The following ATG4C variants were observed in gnomAD, a reference collection of about 807,000 sequenced individuals.
ATG4C encodes the protein autophagy related 4C cysteine peptidase.
Under a neutral mutation model 57.6 loss-of-function variants are expected in ATG4C, and 56 were observed. The ratio of observed to expected loss-of-function variants is 0.97; its 90% CI spans 0.78 to 1.21. The LOEUF (loss-of-function observed/expected upper bound fraction) is 1.21. Ranked by LOEUF, ATG4C falls within the 50% of genes most tolerant of loss-of-function variation. The probability of loss-of-function intolerance (pLI) is 0.00; values close to 1 mark genes in which losing one functional copy is unlikely to be tolerated. For missense variants in ATG4C, 595 were observed against 529.8 expected (o/e 1.12, Z -1.21); for synonymous variants, 157 against 174.1 (o/e 0.90, Z 0.78).
chr1:62,826,636 G>A (rs769436029), intron 6 of ATG4C, among the ~76,000 whole-genome samples: 3 of 148,550 alleles, frequency 2.0e-5, no homozygotes, highest in Non-Finnish European at 3.0e-5. Flanking sequence ...GTACATGTAC[G>A]CAACGTGCAG....
chr1:62,785,372 G>A (rs1664050147), intron 1 of ATG4C: 1 of 152,094 alleles, frequency 6.6e-6, no homozygotes, highest in African/African-American at 2.4e-5. Context: ...CAGTTCATTC[G>A]CTATAAAATT....
chr1:62,792,748 C>T (rs1318387198), intron 1 of ATG4C, among the ~76,000 whole-genome samples: 1 of 152,100 alleles, frequency 6.6e-6, no homozygotes, highest in Non-Finnish European at 1.5e-5. Context: ...AGTAAGTGTT[C>T]AGTCAGAGGC....
intron 2 of ATG4C, among the ~76,000 whole-genome samples, chr1:62,804,253 AT>A (rs368194904): frequency 1.9e-4 from 29 of 148,814 alleles, no homozygotes; most frequent in African/African-American, 5.9e-4. Context: ...CACCTGGCTA[AT>A]TTTTTTTTTG....
At chr1:62,825,736 C>T (rs1228108854) in intron 6 of ATG4C, among the ~76,000 whole-genome samples, 2 of 152,070 alleles carry the variant, frequency 1.3e-5, no homozygotes, top group African/African-American at 2.4e-5. Flanking sequence ...ACTGAATTCC[C>T]AATTCTCCCT....
rs1451868285 is a variant in ATG4C at position 62,816,583 on chromosome 1, A to T, written c.169A>T (p.Lys57Ter). The change falls in exon 4 of 11, where the codon AAA becomes TAA. Residue 57 changes from lysine to a stop codon, truncating the protein, a stop_gained. Coordinates refer to ENST00000317868, the MANE Select transcript of ATG4C (RefSeq NM_032852.4). LOFTEE classifies it high-confidence loss of function. ...GTATGTTTATTTTTTAGATGAAGATAAAACGTTACCTGCAGAGTCGGGATG... is the reference window on the plus strand; with the variant it reads ...GTATGTTTATTTTTTAGATGAAGATTAAACGTTACCTGCAGAGTCGGGATG... ...CYHFKYEDED[K>*]TLPAESGCTI... is the part of the protein sequence containing the mutation. The T allele has an allele frequency of 3.1e-6, 5 of 1,605,154 alleles. No homozygotes were observed. Among genetic ancestry groups the T allele is most frequent in the Non-Finnish European group, 3.4e-6 (4 of 1,175,812 alleles).
chr1:62,825,042 C>A (rs1310647957), intron 6 of ATG4C, among the ~76,000 whole-genome samples: 1 of 151,986 alleles, frequency 6.6e-6, no homozygotes, highest in Non-Finnish European at 1.5e-5. Flanking sequence ...TCGAGACCAG[C>A]CTGGCCAATA....
At chr1:62,841,650 C>A in intron 10 of ATG4C, 103 bp downstream of exon 10, 1 of 989,308 alleles carries the variant, frequency 1.0e-6, no homozygotes, top group Non-Finnish European at 1.4e-6. Flanking sequence ...ATAAAATTTC[C>A]TCTTGAATGT....
intron 1 of ATG4C, among the ~76,000 whole-genome samples, chr1:62,789,656 T>TA (rs375123052): frequency 0.021 from 3,187 of 148,612 alleles, 118 homozygotes; most frequent in African/African-American, 0.074. Context: ...TACTAAAAAA[T>TA]AAAAAAACAA....
chr1:62,864,386 T>C lies in ATG4C; in HGVS notation c.*227T>C, dbSNP rs1212714732. The C allele has an allele frequency of 2.7e-6, 1 of 372,092 alleles. No individual in the cohort carries two copies. Among genetic ancestry groups the C allele is most frequent in the African/African-American group, 2.2e-5 (1 of 46,048 alleles). 23.0% of individuals were successfully genotyped at this position (372,092 alleles called of 1,614,324 possible). ...TTGAGTGATTCTGGTTGCATTCCTA[T>C]TTCCCTAAGATCTACTAGTGATAAT... is the stretch of plus-strand genomic sequence containing the variant. On this transcript the variant is annotated 3_prime_UTR_variant, in exon 11 of 11. Transcript: ENST00000317868.
In ATG4C at chr1:62,819,144, G is replaced by A. The variant is rs1332773561; in HGVS notation, c.534G>A (p.Leu178=). Residue 178 remains leucine, a synonymous_variant, in exon 5 of 11, where the codon CTG becomes CTA. Coordinates refer to ENST00000317868, the MANE Select transcript of ATG4C (RefSeq NM_032852.4). ...EREFKTPTIS[L]KETIGKYSDD... ...AATTCAAAACCCCAACAATTTCTCTGAAGGAAACAATTGGGAAATATTCTG... is the reference window on the plus strand; with the variant it reads ...AATTCAAAACCCCAACAATTTCTCTAAAGGAAACAATTGGGAAATATTCTG... 1.3e-5 allele frequency: 21 copies of A among 1,613,132 alleles called. No individual in the cohort carries two copies. The highest frequency in any genetic ancestry group is 3.3e-5 in the Admixed American group (2 of 59,916).
chr1:62,794,944 A>G (rs1409734712), intron 1 of ATG4C, among the ~76,000 whole-genome samples: 1 of 152,254 alleles, frequency 6.6e-6, no homozygotes, highest in African/African-American at 2.4e-5. Flanking sequence ...GCAAGCAGGT[A>G]GAAAAGGTTA....
intron 9 of ATG4C, among the ~76,000 whole-genome samples, chr1:62,835,221 G>A (rs939620773): frequency 2.0e-5 from 3 of 151,464 alleles, no homozygotes; most frequent in East Asian, 1.9e-4. Context: ...AGGGATAGAC[G>A]GGTTAGAGTA....
rs544881361 is a variant in ATG4C at position 62,858,347 on chromosome 1, T to C, written c.1210-5645T>C. On this transcript the variant is annotated intron_variant, in intron 10 of 10. Transcript: ENST00000317868. ...GGTAGTGGTTACACCAGAACAAAAC[T>C]ACCTATGCTTAGATCCTGACTGTGT... 3.3e-5 allele frequency among the ~76,000 whole-genome samples: 5 copies of C among 152,316 alleles called. No homozygotes were observed. The South Asian group carries it at 8.3e-4, about 25-fold the overall frequency.
At chr1:62,807,019 A>T (rs2100300186) in intron 3 of ATG4C, among the ~76,000 whole-genome samples, 1 of 152,322 alleles carries the variant, frequency 6.6e-6, no homozygotes, top group Non-Finnish European at 1.5e-5. Context: ...AATTACAATG[A>T]TTATTTTTGA....
intron 10 of ATG4C, among the ~76,000 whole-genome samples, chr1:62,846,435 A>G (rs1666327261): frequency 6.6e-6 from 1 of 152,216 alleles, no homozygotes; most frequent in Non-Finnish European, 1.5e-5. Flanking sequence ...TCATGCAGTC[A>G]TATAGCTTTA....
At chr1:62,827,821 T>C (rs1320567748) in intron 6 of ATG4C, among the ~76,000 whole-genome samples, 1 of 152,018 alleles carries the variant, frequency 6.6e-6, no homozygotes, top group African/African-American at 2.4e-5. Context: ...CCCTCCATCC[T>C]CAAGTAGACC....
intron 10 of ATG4C, among the ~76,000 whole-genome samples, chr1:62,852,184 A>G (rs1377165489): frequency 1.3e-5 from 2 of 152,204 alleles, no homozygotes; most frequent in African/African-American, 4.8e-5. Flanking sequence ...AGCTACCCGG[A>G]GTAAGGTATA....
intron 10 of ATG4C, among the ~76,000 whole-genome samples, chr1:62,842,829 C>T (rs1666212604): frequency 6.6e-6 from 1 of 151,992 alleles, no homozygotes; most frequent in Non-Finnish European, 1.5e-5. Flanking sequence ...TTTCATTCTC[C>T]TTTTTCAACA....
At chr1:62,804,193 T>C (rs1664778674) in intron 2 of ATG4C, among the ~76,000 whole-genome samples, 1 of 151,878 alleles carries the variant, frequency 6.6e-6, no homozygotes, top group Admixed American at 6.6e-5. Flanking sequence ...TTCAAGTGAT[T>C]CTTCTGCCTC....
Sources: allele counts gnomAD v4.1 joint callset (sites outside exome capture counted in the v4.1 genomes callset), GRCh38; gene constraint gnomAD v4.1.1; transcripts MANE v1.5; gene names NCBI Gene and HGNC (gene_info 2026-07-23, HGNC 2026-07-21).